PACRG: variants seen among roughly 807,000 people sequenced by gnomAD.
PACRG encodes the protein parkin coregulated, also known as parkin coregulated gene protein.
PACRG carries 29 observed loss-of-function variants against 29.7 expected under a neutral mutation model. The observed-to-expected ratio is 0.98, with a 90% CI of 0.73 to 1.33. The LOEUF is 1.33. Among genes scored for constraint, PACRG ranks in the 40% most tolerant of loss-of-function variants. The pLI is 0.00. For missense variants in PACRG, 279 were observed against 316.2 expected, an observed-to-expected ratio of 0.88 and a Z score of 0.89; for synonymous variants, 116 against 118.7, an observed-to-expected ratio of 0.98 and a Z score of 0.15.
At chr6:162,789,700 T>A (rs1214791910) in intron 1 of PACRG, among the ~76,000 whole-genome samples, 3 of 152,192 alleles carry the variant, frequency 2.0e-5, no homozygotes, top group Non-Finnish European at 2.9e-5. Flanking sequence ...TTATCAGGTA[T>A]TGATTTAGAC....
intron 2 of PACRG, among the ~76,000 whole-genome samples, chr6:162,903,399 C>G (rs988942952): frequency 6.6e-6 from 1 of 151,876 alleles, no homozygotes; most frequent in East Asian, 1.9e-4. Flanking sequence ...ATATACATAC[C>G]CAAGACTGGG....
intron 3 of PACRG, among the ~76,000 whole-genome samples, chr6:163,081,772 G>A (rs1361219904): frequency 6.6e-6 from 1 of 151,804 alleles, no homozygotes; most frequent in Admixed American, 6.6e-5. Context: ...AAAAGTGGGG[G>A]GGAGTAAATG....
In PACRG at chr6:162,944,581, A is replaced by G. The variant is rs546545188; in HGVS notation, c.292-117569A>G. Among the ~76,000 whole-genome samples the G allele has an allele frequency of 5.3e-5, 8 of 152,320 alleles. No homozygotes were observed. The South Asian group carries it at 1.2e-3, about 24-fold the overall frequency. ...ATAAATAATACATATAAATCAGAAA[A>G]GCAATTCAGGATATGAATAAGATGT... On this transcript the variant is annotated intron_variant, in intron 2 of 4. Transcript: ENST00000366888.
chr6:163,035,418 G>A (rs1276667522), intron 2 of PACRG, among the ~76,000 whole-genome samples: 3 of 152,004 alleles, frequency 2.0e-5, no homozygotes, highest in Admixed American at 6.5e-5. Context: ...GGAGGCCAAG[G>A]CAGGCAGATC....
At chr6:162,959,816 C>G (rs1381774193) in intron 2 of PACRG, among the ~76,000 whole-genome samples, 2 of 151,954 alleles carry the variant, frequency 1.3e-5, no homozygotes, top group Admixed American at 6.6e-5. Context: ...AATGTGCCAG[C>G]AGTATGACAG....
At chr6:163,313,216 G>A (rs1340500481) in intron 4 of PACRG, among the ~76,000 whole-genome samples, 2 of 151,844 alleles carry the variant, frequency 1.3e-5, no homozygotes, top group Admixed American at 6.6e-5. Context: ...TATGAGGAAC[G>A]AAAAACCCAC....
At position 162,944,220 on chromosome 6, in the gene PACRG, A is replaced by G. The variant is rs1052374349; in HGVS notation, c.292-117930A>G. Among the ~76,000 whole-genome samples, 3 of 152,252 alleles carry G rather than the reference A, an allele frequency of 2.0e-5. No individual in the cohort carries two copies. In the South Asian group the frequency reaches 6.2e-4, roughly 32 times the overall value. Reference sequence around the variant, plus strand: ...ATTACAGATACCACTGATGCTGTTTACAGCCAAATAAATCATAGAGAAACT... The same window carrying G: ...ATTACAGATACCACTGATGCTGTTTGCAGCCAAATAAATCATAGAGAAACT... On this transcript the variant is annotated intron_variant, in intron 2 of 4. Coordinates refer to ENST00000366888, the MANE Select transcript of PACRG (RefSeq NM_001080379.2).
chr6:162,945,482 C>G (rs1180937514), intron 2 of PACRG, among the ~76,000 whole-genome samples: 1 of 152,026 alleles, frequency 6.6e-6, no homozygotes, highest in African/African-American at 2.4e-5. Flanking sequence ...CACCCACCAA[C>G]AGAACACTCA....
chr6:162,858,276 T>C (rs1183819445), intron 2 of PACRG, among the ~76,000 whole-genome samples: 1 of 152,114 alleles, frequency 6.6e-6, no homozygotes, highest in Non-Finnish European at 1.5e-5. Context: ...ATATCTTACA[T>C]GGCAGCAGGA....
chr6:162,988,628 G>A (rs1350141927), intron 2 of PACRG, among the ~76,000 whole-genome samples: 3 of 152,154 alleles, frequency 2.0e-5, no homozygotes, highest in Non-Finnish European at 4.4e-5. Context: ...AGACTTTAAT[G>A]AGGTAATCCT....
chr6:163,074,522 A>G (rs1165548277), intron 3 of PACRG, among the ~76,000 whole-genome samples: 9 of 151,826 alleles, frequency 5.9e-5, no homozygotes, highest in Non-Finnish European at 8.8e-5. Context: ...GTTGAAAACG[A>G]CTTAATCATT....
At chr6:162,921,155 G>A (rs1011876191) in intron 2 of PACRG, among the ~76,000 whole-genome samples, 1 of 152,150 alleles carries the variant, frequency 6.6e-6, no homozygotes. Context: ...GAGAAACTTA[G>A]AAAATTTTTT....
At chr6:162,944,913 T>C (rs1487816333) in intron 2 of PACRG, among the ~76,000 whole-genome samples, 1 of 152,080 alleles carries the variant, frequency 6.6e-6, no homozygotes, top group African/African-American at 2.4e-5. Context: ...ATAGAAAACT[T>C]ATTTAGCCAA....
rs934302980 is a variant in PACRG at position 162,740,971 on chromosome 6, A to G, written c.156+12580A>G. 8.5e-5 allele frequency among the ~76,000 whole-genome samples: 13 copies of G among 152,236 alleles called. 1 individual carries two copies. Among genetic ancestry groups the G allele is most frequent in the African/African-American group, 3.1e-4 (13 of 41,530 alleles). ...TGGAAGTAGTATTGAATTTTATCAG[A>G]CACTTGCTGCATCTGTTGTGATGAT... On this transcript the variant is annotated intron_variant, in intron 1 of 4. Coordinates refer to ENST00000366888, the MANE Select transcript of PACRG (RefSeq NM_001080379.2).
At chr6:162,887,049 A>T (rs1794397177) in intron 2 of PACRG, among the ~76,000 whole-genome samples, 1 of 152,150 alleles carries the variant, frequency 6.6e-6, no homozygotes. Flanking sequence ...CTGGGATTAC[A>T]GGCACATGCT....
intron 2 of PACRG, among the ~76,000 whole-genome samples, chr6:162,917,866 T>C (rs74673785): frequency 0.021 from 3,242 of 152,258 alleles, 105 homozygotes; most frequent in African/African-American, 0.074. Flanking sequence ...GAAATATGTT[T>C]ATATTTATAG....
intron 2 of PACRG, among the ~76,000 whole-genome samples, chr6:162,863,183 G>A (rs1214618662): frequency 2.0e-5 from 3 of 152,168 alleles, no homozygotes; most frequent in Admixed American, 6.5e-5. Context: ...GTCTAGTACC[G>A]TGCCTGATGT....
chr6:162,933,664 T>C (rs1032788613), intron 2 of PACRG, among the ~76,000 whole-genome samples: 3 of 148,016 alleles, frequency 2.0e-5, no homozygotes, highest in African/African-American at 7.5e-5. Flanking sequence ...ACACTACTCC[T>C]GCACACTCTT....
chr6:162,844,320 G>T (rs979432198), intron 2 of PACRG, among the ~76,000 whole-genome samples: 1 of 152,166 alleles, frequency 6.6e-6, no homozygotes, highest in Non-Finnish European at 1.5e-5. Flanking sequence ...TTTTAAGCCG[G>T]TCCGAAAAGC....
Sources: gnomAD v4.1 joint callset for allele counts (sites outside exome capture counted in the v4.1 genomes callset) on GRCh38, gnomAD v4.1.1 for gene constraint, MANE v1.5 for transcripts, NCBI Gene and HGNC (gene_info 2026-07-23, HGNC 2026-07-21) for gene names.